The following CCNO variants were observed in gnomAD, a reference collection of about 807,000 sequenced individuals.
CCNO encodes the protein cyclin O.
In CCNO, 24 loss-of-function variants were observed where a neutral mutation model predicts 23.9. The observed-to-expected ratio is 1.00, with a 90% CI of 0.73 to 1.41. The LOEUF (loss-of-function observed/expected upper bound fraction) is 1.41, where lower values mean the gene tolerates loss of function less well. Ranked by LOEUF, CCNO falls within the 40% of genes most tolerant of loss-of-function variation. CCNO has a pLI of 0.00. For synonymous variants in CCNO, 241 were observed against 225.7 expected (o/e 1.07, Z -0.61); for missense variants, 542 against 476.2 (o/e 1.14, Z -1.29).
In CCNO at chr5:55,233,355, T is replaced by C. The variant is rs1745658242; in HGVS notation, c.169A>G (p.Ile57Val). Reference sequence around the variant, plus strand: ...CTGGGGGACTCGAACAGGTCGCAAATGCCGGAGTCTCCCGGGAGCGGGCAC... The same window carrying C: ...CTGGGGGACTCGAACAGGTCGCAAACGCCGGAGTCTCCCGGGAGCGGGCAC... ...NPCPLPGDSG[I>V]CDLFESPSSG... is the part of the protein sequence containing the mutation. Residue 57 changes from isoleucine to valine, a missense_variant, in exon 1 of 3, where the codon ATT becomes GTT. Ile to Val is a conservative substitution (Grantham distance 29). Coordinates refer to ENST00000282572, the MANE Select transcript of CCNO (RefSeq NM_021147.5). The C allele has an allele frequency of 6.2e-7, 1 of 1,609,050 alleles. No individual in the cohort carries two copies. The highest frequency in any genetic ancestry group is 8.5e-7 in the Non-Finnish European group (1 of 1,178,696).
At position 55,231,758 on chromosome 5, in the gene CCNO, G is replaced by C; in HGVS notation, c.670C>G (p.Leu224Val). Residue 224 changes from leucine (L) to valine (V), a missense_variant, in exon 3 of 3, where the codon CTG becomes GTG. Leu to Val is a conservative substitution (Grantham distance 32, BLOSUM62 1). Coordinates refer to ENST00000282572, the MANE Select transcript of CCNO (RefSeq NM_021147.5). ...GTGGGCGCACCCAGGGTGAAGTGCA[G>C]CTTGTGCAGCACGATGCACTCGAGG... ...CNLECIVLHK[L>V]HFTLGAPTIS... is the part of the protein sequence containing the mutation. 1 of 1,570,706 alleles carries C rather than the reference G, an allele frequency of 6.4e-7. No individual in the cohort carries two copies. Among genetic ancestry groups the C allele is most frequent in the Non-Finnish European group, 8.6e-7 (1 of 1,158,650 alleles).
chr5:55,231,604 A>G lies in CCNO; in HGVS notation c.824T>C (p.Phe275Ser). The change falls in exon 3 of 3, where the codon TTC becomes TCC. Residue 275 changes from phenylalanine to serine, a missense_variant. Phe to Ser is a radical substitution (Grantham distance 155). Coordinates refer to ENST00000282572, the MANE Select transcript of CCNO (RefSeq NM_021147.5). The part of the protein sequence containing the change: ...VAELSLADYA[F>S]TSYSPSLLAI... Reference sequence around the variant, plus strand: ...CAGGAGGGAAGGGGAGTAGCTGGTGAAGGCATAGTCGGCCAGACTCAGCTC... The same window carrying G: ...CAGGAGGGAAGGGGAGTAGCTGGTGGAGGCATAGTCGGCCAGACTCAGCTC... 1.9e-6 allele frequency: 3 copies of G among 1,612,742 alleles called. No homozygotes were observed. The highest frequency in any genetic ancestry group is 2.5e-6 in the Non-Finnish European group (3 of 1,179,694).
chr5:55,233,379 A>AC lies in CCNO; in HGVS notation c.144dup (p.Cys49ValfsTer33), dbSNP rs1201875301. The AC allele has an allele frequency of 6.2e-7, 1 of 1,610,600 alleles. No individual in the cohort carries two copies. The highest frequency in any genetic ancestry group is 8.5e-7 in the Non-Finnish European group (1 of 1,179,188). On this transcript the variant is annotated frameshift_variant, in exon 1 of 3. Coordinates refer to ENST00000282572, the MANE Select transcript of CCNO (RefSeq NM_021147.5). LOFTEE classifies it high-confidence loss of function. ...ATGCCGGAGTCTCCCGGGAGCGGGC[A>AC]CGGGTTCAGGGGATGCAGCGGCTGC...
chr5:55,232,926 G>A (rs1309074432), intron 1 of CCNO: 7 of 605,056 alleles, frequency 1.2e-5, no homozygotes, highest in Non-Finnish European at 2.0e-5. Context: ...TAGCCAGCTT[G>A]GGACGGGGCA....
Position 55,233,064 on chromosome 5 carries a change from G to GAGA in CCNO, c.381+78_381+79insTCT, listed in dbSNP as rs538223997. 505 of 1,443,704 alleles carry GAGA rather than the reference G, an allele frequency of 3.5e-4. 5 individuals carry two copies. The African/African-American group carries it at 5.4e-3, about 15-fold the overall frequency. The allele number at this position is 1,443,704 out of a possible 1,614,324, so 89.4% of individuals were successfully genotyped here. On this transcript the variant is annotated intron_variant, in intron 1 of 2. Coordinates refer to ENST00000282572, the MANE Select transcript of CCNO (RefSeq NM_021147.5). The stretch of plus-strand genomic sequence containing the variant: ...CTGTCGCGGGCCCGGGCGCTCGGAG[G>GAGA]GCCGAGCCGGCAGGAGAGGAGAGAG...
At chr5:55,232,943 T>A in intron 1 of CCNO, 200 bp downstream of exon 1, 1 of 627,210 alleles carries the variant, frequency 1.6e-6, no homozygotes, top group Non-Finnish European at 2.7e-6. Flanking sequence ...GGCAAGTCCC[T>A]CAAGCCGTCT....
In CCNO at chr5:55,231,738, C is replaced by A. The variant is rs746166649; in HGVS notation, c.690G>T (p.Ala230=). The part of the protein sequence containing the change: ...VLHKLHFTLG[A]PTISFFLEHF... ...GCTCCAGGAAGAAGCTAATGGTGGGCGCACCCAGGGTGAAGTGCAGCTTGT... is the reference window on the plus strand; with the variant it reads ...GCTCCAGGAAGAAGCTAATGGTGGGAGCACCCAGGGTGAAGTGCAGCTTGT... The change falls in exon 3 of 3, where the codon GCG becomes GCT. Residue 230 remains alanine (A), a synonymous_variant. Transcript: ENST00000282572. 4 of 1,574,926 alleles carry A rather than the reference C, an allele frequency of 2.5e-6. No individual in the cohort carries two copies. The East Asian group carries it at 9.3e-5, about 37-fold the overall frequency.
Position 55,231,300 on chromosome 5 carries a change from G to C in CCNO, c.*75C>G, listed in dbSNP as rs1436310375. The stretch of plus-strand genomic sequence containing the variant: ...GTCCTGAAGCCTTCTCTGTGGACCA[G>C]TACTGCACTCTTCTGAGGCTACGGG... On this transcript the variant is annotated 3_prime_UTR_variant, in exon 3 of 3. Coordinates refer to ENST00000282572, the MANE Select transcript of CCNO (RefSeq NM_021147.5). 8.3e-6 allele frequency: 13 copies of C among 1,558,366 alleles called. No homozygotes were observed. In the Admixed American group the frequency reaches 2.2e-4, roughly 27 times the overall value.
chr5:55,232,307 G>T, intron 2 of CCNO, 54 bp downstream of exon 2: 2 of 1,459,444 alleles, frequency 1.4e-6, no homozygotes, highest in South Asian at 1.3e-5. Context: ...GAGTGGCGGG[G>T]GAGTTTGGCT....
chr5:55,233,362 GTCT>G lies in CCNO; in HGVS notation c.159_161del (p.Asp54del). The G allele has an allele frequency of 6.2e-7, 1 of 1,609,934 alleles. No individual in the cohort carries two copies. Among genetic ancestry groups the G allele is most frequent in the Non-Finnish European group, 8.5e-7 (1 of 1,178,966 alleles). On this transcript the variant is annotated inframe_deletion, in exon 1 of 3. Coordinates refer to ENST00000282572, the MANE Select transcript of CCNO (RefSeq NM_021147.5). ...ACTCGAACAGGTCGCAAATGCCGGA[GTCT>G]CCCGGGAGCGGGCACGGGTTCAGGG...
Position 55,231,562 on chromosome 5 carries a change from G to A in CCNO, c.866C>T (p.Ala289Val), listed in dbSNP as rs773419820. 6.2e-6 allele frequency: 10 copies of A among 1,613,464 alleles called. No homozygotes were observed. The highest frequency in any genetic ancestry group is 7.6e-6 in the Non-Finnish European group (9 of 1,179,976). The change falls in exon 3 of 3, where the codon GCG (alanine) becomes GTG (valine). Residue 289 changes from alanine (A) to valine (V), a missense_variant. Physicochemically the swap from Ala to Val is moderately conservative, Grantham distance 64. Transcript: ENST00000282572. ...SPSLLAICCLALADRMLRVSR... is the reference protein window; with the variant it reads ...SPSLLAICCLVLADRMLRVSR... ...GACCCGCAGCATGCGGTCCGCCAGC[G>A]CCAGGCAGCAGATCGCCAGGAGGGA... is the stretch of plus-strand genomic sequence containing the variant.
chr5:55,232,198 A>C (rs1431426313), intron 2 of CCNO, among the ~76,000 whole-genome samples, 163 bp downstream of exon 2: 1 of 152,222 alleles, frequency 6.6e-6, no homozygotes, highest in Non-Finnish European at 1.5e-5. Flanking sequence ...GAAATTGTGA[A>C]GTTAAGGCTA....
intron 1 of CCNO, 199 bp from the exon 2 acceptor site, chr5:55,232,745 CAG>C (rs1745629453): frequency 8.1e-6 from 5 of 614,180 alleles, no homozygotes; most frequent in South Asian, 3.9e-5. Context: ...TGGCGCTGTG[CAG>C]AGAGCGTCGT....
rs1023492353 is a variant in CCNO at position 55,231,274 on chromosome 5, G to C, written c.*101C>G. 1 of 1,365,946 alleles carries C rather than the reference G, an allele frequency of 7.3e-7. No homozygotes were observed. Among genetic ancestry groups the C allele is most frequent in the Non-Finnish European group, 1.0e-6 (1 of 983,952 alleles). The allele number at this position is 1,365,946 out of a possible 1,614,324, so 84.6% of individuals were successfully genotyped here. A position where few individuals can be genotyped will look rare whatever the true frequency, so the allele number is the denominator to read the frequency against. On this transcript the variant is annotated 3_prime_UTR_variant, in exon 3 of 3. Transcript: ENST00000282572. Reference sequence around the variant, plus strand: ...TTTACAACCTGCAGCTGACCAAGCAGGTCCTGAAGCCTTCTCTGTGGACCA... The same window carrying C: ...TTTACAACCTGCAGCTGACCAAGCACGTCCTGAAGCCTTCTCTGTGGACCA...
intron 2 of CCNO, 126 bp from the exon 3 acceptor site, chr5:55,231,986 TC>T: frequency 9.2e-7 from 1 of 1,084,298 alleles, no homozygotes; most frequent in Non-Finnish European, 1.3e-6. Context: ...CTCCACTGCT[TC>T]CACGTAAGTG....
chr5:55,231,691 TC>T lies in CCNO; in HGVS notation c.736del (p.Glu246ArgfsTer23). Reference sequence around the variant, plus strand: ...TTCGGAGGCCTCAGCCTGCCCCGCCTCCACGCGAGCGTGCGTGAAATGCTCC... The same window carrying T: ...TTCGGAGGCCTCAGCCTGCCCCGCCTCACGCGAGCGTGCGTGAAATGCTCC... ...FLEHFTHARV[E>X]AGQAEASEAL... On this transcript the variant is annotated frameshift_variant, in exon 3 of 3. Transcript: ENST00000282572. LOFTEE classifies it high-confidence loss of function. 1 of 1,576,324 alleles carries T rather than the reference TC, an allele frequency of 6.3e-7. No individual in the cohort carries two copies. Among genetic ancestry groups the T allele is most frequent in the Non-Finnish European group, 8.6e-7 (1 of 1,161,278 alleles).
At chr5:55,232,625 AG>A (rs1745625322) in intron 1 of CCNO, 79 bp from the exon 2 acceptor site, 1 of 1,362,164 alleles carries the variant, frequency 7.3e-7, no homozygotes. Flanking sequence ...AGGGCCAAGA[AG>A]AATCGGGGAG....
At position 55,231,872 on chromosome 5, in the gene CCNO, G is replaced by C; in HGVS notation, c.568-12C>G. 1 of 1,524,650 alleles carries C rather than the reference G, an allele frequency of 6.6e-7. No individual in the cohort carries two copies. The highest frequency in any genetic ancestry group is 8.8e-7 in the Non-Finnish European group (1 of 1,135,294). The allele number at this position is 1,524,650 out of a possible 1,614,324, so 94.4% of individuals were successfully genotyped here. A position where few individuals can be genotyped will look rare whatever the true frequency, so the allele number is the denominator to read the frequency against. ...GGGTGCACCTCCACCTGCAACACAG[G>C]GCGCACTCAACCCCGCTTTGCGGCT... On this transcript the variant is annotated splice_polypyrimidine_tract_variant and intron_variant, in intron 2 of 2. Coordinates refer to ENST00000282572, the MANE Select transcript of CCNO (RefSeq NM_021147.5).
At position 55,231,314 on chromosome 5, in the gene CCNO, T is replaced by G; in HGVS notation, c.*61A>C. 1.9e-6 allele frequency: 3 copies of G among 1,589,420 alleles called. No homozygotes were observed. In the East Asian group the frequency reaches 6.7e-5, roughly 36 times the overall value. On this transcript the variant is annotated 3_prime_UTR_variant, in exon 3 of 3. Coordinates refer to ENST00000282572, the MANE Select transcript of CCNO (RefSeq NM_021147.5). ...TCTGTGGACCAGTACTGCACTCTTC[T>G]GAGGCTACGGGAGAGGTCCAGCAGC...
Sources: allele counts gnomAD v4.1 joint callset (sites outside exome capture counted in the v4.1 genomes callset), GRCh38; gene constraint gnomAD v4.1.1; transcripts MANE v1.5; gene names NCBI Gene and HGNC (gene_info 2026-07-23, HGNC 2026-07-21).